The following SUGCT variants were observed in gnomAD, a reference collection of about 807,000 sequenced individuals.
The protein encoded by SUGCT is succinyl-CoA:glutarate CoA-transferase.
In SUGCT, 41 loss-of-function variants were observed where a neutral mutation model predicts 55.0. That is an observed-to-expected ratio of 0.74 (90% CI 0.58 to 0.97). The LOEUF (loss-of-function observed/expected upper bound fraction) is 0.97, where lower values mean the gene tolerates loss of function less well. Among genes scored for constraint, SUGCT ranks in the 50% least tolerant of loss-of-function variants. The pLI is 0.00. For synonymous variants in SUGCT, 187 were observed against 200.4 expected (o/e 0.93, Z 0.56); for missense variants, 568 against 547.8 (o/e 1.04, Z -0.37).
chr7:40,525,079 A>C (rs1793730909), intron 12 of SUGCT, among the ~76,000 whole-genome samples: 1 of 152,216 alleles, frequency 6.6e-6, no homozygotes, highest in Non-Finnish European at 1.5e-5. Context: ...TTTTGTCCTA[A>C]CAGTTGTAAA....
At chr7:41,004,017 T>A in the SUGCT span, among the ~76,000 whole-genome samples, 9 of 152,120 alleles carry the variant, frequency 5.9e-5, no homozygotes, top group African/African-American at 2.2e-4. Context: ...TGGGGTACAT[T>A]TTCCAAGATC....
chr7:40,384,471 C>T (rs916623893), intron 9 of SUGCT, among the ~76,000 whole-genome samples: 1 of 152,012 alleles, frequency 6.6e-6, no homozygotes, highest in Admixed American at 6.6e-5. Flanking sequence ...ATCACAGGTT[C>T]CCTGTGGTTT....
intron 12 of SUGCT, among the ~76,000 whole-genome samples, chr7:40,675,888 A>G (rs534048385): frequency 6.6e-6 from 1 of 152,348 alleles, no homozygotes; most frequent in African/African-American, 2.4e-5. Flanking sequence ...TCTTTGAACA[A>G]CAGTGGAGAA....
intron 12 of SUGCT, among the ~76,000 whole-genome samples, chr7:40,647,835 AAGTT>A (rs1800599020): frequency 2.6e-5 from 4 of 152,054 alleles, no homozygotes; most frequent in African/African-American, 7.2e-5. Flanking sequence ...AAAAAAAAAA[AAGTT>A]AGACCACTTG....
At chr7:40,880,194 A>G in the SUGCT span, among the ~76,000 whole-genome samples, 1 of 152,168 alleles carries the variant, frequency 6.6e-6, no homozygotes, top group Admixed American at 6.5e-5. Context: ...TGTTTGATTT[A>G]TTCTTTTATG....
chr7:40,655,014 T>C (rs1251551348), intron 12 of SUGCT, among the ~76,000 whole-genome samples: 3 of 152,134 alleles, frequency 2.0e-5, no homozygotes, highest in African/African-American at 2.4e-5. Context: ...CAAATATAAT[T>C]ATAGGCTAGG....
At chr7:40,434,870 T>C (rs1226104533) in intron 9 of SUGCT, among the ~76,000 whole-genome samples, 3 of 152,140 alleles carry the variant, frequency 2.0e-5, no homozygotes, top group Non-Finnish European at 4.4e-5. Flanking sequence ...CCCTATGCTT[T>C]TTCTGATGCT....
chr7:40,443,867 A>C (rs1788658466), intron 9 of SUGCT, among the ~76,000 whole-genome samples: 1 of 152,148 alleles, frequency 6.6e-6, no homozygotes, highest in African/African-American at 2.4e-5. Context: ...TCTAACATTT[A>C]AGTCTTTAAT....
intron 8 of SUGCT, among the ~76,000 whole-genome samples, chr7:40,284,176 A>G (rs1289024584): frequency 6.6e-6 from 1 of 152,098 alleles, no homozygotes; most frequent in Non-Finnish European, 1.5e-5. Flanking sequence ...ATGATGGTCA[A>G]AGGGGCAAAG....
intron 12 of SUGCT, among the ~76,000 whole-genome samples, chr7:40,506,786 C>T (rs1180717959): frequency 6.6e-6 from 1 of 152,032 alleles, no homozygotes; most frequent in Admixed American, 6.5e-5. Context: ...TTTGCTGATT[C>T]TTCCTACTGC....
chr7:40,961,857 G>A, the SUGCT span, among the ~76,000 whole-genome samples: 1 of 152,174 alleles, frequency 6.6e-6, no homozygotes. Context: ...TGGGTTCATG[G>A]TCTCCCTGGC....
At chr7:40,858,677 G>C (rs1794327570) in intron 13 of SUGCT, among the ~76,000 whole-genome samples, 1 of 152,154 alleles carries the variant, frequency 6.6e-6, no homozygotes, top group Non-Finnish European at 1.5e-5. Context: ...TCTTGGGAGA[G>C]CTGTGGACCC....
chr7:40,644,246 G>A (rs1800394876), intron 12 of SUGCT, among the ~76,000 whole-genome samples: 4 of 152,022 alleles, frequency 2.6e-5, no homozygotes, highest in Admixed American at 2.6e-4. Flanking sequence ...CCCATATAGC[G>A]AACACCCTGT....
intron 13 of SUGCT, among the ~76,000 whole-genome samples, chr7:40,825,278 A>G (rs1792257192): frequency 6.6e-6 from 1 of 152,146 alleles, no homozygotes. Context: ...AACATATGGC[A>G]TTGTCTGTGA....
intron 9 of SUGCT, among the ~76,000 whole-genome samples, chr7:40,438,625 C>T (rs919362062): frequency 2.0e-5 from 3 of 152,126 alleles, no homozygotes; most frequent in Non-Finnish European, 2.9e-5. Flanking sequence ...ATTCTAGACA[C>T]TTGCCCTTGC....
chr7:40,751,604 G>A (rs568855380), intron 13 of SUGCT, among the ~76,000 whole-genome samples: 1 of 152,206 alleles, frequency 6.6e-6, no homozygotes, highest in African/African-American at 2.4e-5. Flanking sequence ...TGGAAGCAGA[G>A]TTAGGCTGAT....
At chr7:40,264,164 T>A (rs917990307) in intron 7 of SUGCT, among the ~76,000 whole-genome samples, 1 of 152,198 alleles carries the variant, frequency 6.6e-6, no homozygotes, top group Non-Finnish European at 1.5e-5. Flanking sequence ...ACTCGTGTAC[T>A]TTCCTGCTTG....
the SUGCT span, among the ~76,000 whole-genome samples, chr7:40,958,099 C>G: frequency 2.6e-5 from 4 of 151,934 alleles, no homozygotes; most frequent in Non-Finnish European, 5.9e-5. Flanking sequence ...TAAGATTTTT[C>G]TCTTCATTTC....
intron 12 of SUGCT, among the ~76,000 whole-genome samples, chr7:40,722,977 CT>C (rs1477303101): frequency 1.3e-5 from 2 of 152,160 alleles, no homozygotes; most frequent in African/African-American, 4.8e-5. Context: ...AAGTAATTTG[CT>C]TCCGAGATCA....
Sources: gnomAD v4.1 joint callset for allele counts (sites outside exome capture counted in the v4.1 genomes callset) on GRCh38, gnomAD v4.1.1 for gene constraint, MANE v1.5 for transcripts, NCBI Gene and HGNC (gene_info 2026-07-23, HGNC 2026-07-21) for gene names.